Variants in DGKG observed in about 807,000 individuals in gnomAD.
DGKG encodes DAG kinase gamma.
DGKG carries 78 observed loss-of-function variants against 105.3 expected under a neutral mutation model. That is an observed-to-expected ratio of 0.74 (90% CI 0.62 to 0.89). The LOEUF (loss-of-function observed/expected upper bound fraction) is 0.89, where lower values mean the gene tolerates loss of function less well. Among genes scored for constraint, DGKG ranks in the 40% least tolerant of loss-of-function variants. DGKG has a pLI of 0.00. For missense variants in DGKG, 958 were observed against 1,020.1 expected (o/e 0.94, Z 0.83); for synonymous variants, 346 against 367.1 (o/e 0.94, Z 0.66).
chr3:186,306,949 C>T lies in DGKG; in HGVS notation c.96G>A (p.Leu32=). ...EYSSKKIKDA[L]TEFNEGGSLK... ...GGCTCCCACCCTCATTAAATTCAGT[C>T]AAGGCATCTTTTATCTTCTTGGAGG... The change falls in exon 3 of 25, where the codon TTG becomes TTA. Residue 32 remains leucine, a synonymous_variant. Coordinates refer to ENST00000265022, the MANE Select transcript of DGKG (RefSeq NM_001346.3). 2 of 1,612,970 alleles carry T rather than the reference C, an allele frequency of 1.2e-6. No individual in the cohort carries two copies. Among genetic ancestry groups the T allele is most frequent in the Non-Finnish European group, 1.7e-6 (2 of 1,179,032 alleles).
chr3:186,320,318 C>T (rs1725020071), intron 2 of DGKG, 75 bp downstream of exon 2: 3 of 1,580,112 alleles, frequency 1.9e-6, no homozygotes, highest in East Asian at 2.2e-5. Flanking sequence ...AATGATCATA[C>T]TGCTATGCTT....
chr3:186,258,073 A>T (rs1721571268), intron 16 of DGKG, 134 bp from the exon 17 acceptor site: 2 of 697,668 alleles, frequency 2.9e-6, no homozygotes, highest in Non-Finnish European at 2.5e-6. Context: ...TGAAAGGGTC[A>T]CTCAATGTTC....
chr3:186,344,552 G>A (rs1726239737), intron 1 of DGKG, among the ~76,000 whole-genome samples: 1 of 152,144 alleles, frequency 6.6e-6, no homozygotes, highest in Non-Finnish European at 1.5e-5. Flanking sequence ...AAGAACTTAT[G>A]AACACAAAGA....
At chr3:186,297,068 T>TCTCTCTCACACACACACA (rs1452573661) in intron 5 of DGKG, among the ~76,000 whole-genome samples, 1 of 130,420 alleles carries the variant, frequency 7.7e-6, no homozygotes, top group African/African-American at 2.9e-5. Flanking sequence ...TCTGTCTCTC[T>TCTCTCTCACACACACACA]CACACACACA....
intron 20 of DGKG, among the ~76,000 whole-genome samples, chr3:186,225,041 C>T (rs1009744688): frequency 6.6e-6 from 1 of 151,560 alleles, no homozygotes; most frequent in African/African-American, 2.4e-5. Flanking sequence ...TCTTTGTCCC[C>T]CTGAGTCCCT....
chr3:186,316,526 A>C (rs1724827269), intron 2 of DGKG, among the ~76,000 whole-genome samples: 1 of 152,218 alleles, frequency 6.6e-6, no homozygotes, highest in Non-Finnish European at 1.5e-5. Flanking sequence ...CAAATTTCTT[A>C]ATATCACATT....
chr3:186,150,066 T>TGTTTGGCTTTCTCTC lies in DGKG; in HGVS notation c.*23_*24insGAGAGAAAGCCAAAC. The TGTTTGGCTTTCTCTC allele has an allele frequency of 6.2e-7, 1 of 1,600,768 alleles. No homozygotes were observed. The highest frequency in any genetic ancestry group is 1.1e-5 in the South Asian group (1 of 88,738). On this transcript the variant is annotated 3_prime_UTR_variant, in exon 25 of 25. Coordinates refer to ENST00000265022, the MANE Select transcript of DGKG (RefSeq NM_001346.3). ...TATAGTTTCTTGCTTTCTCTCTTGGTTTAGCTGGTGTTTGGCACACTGTTT... is the reference window on the plus strand; with the variant it reads ...TATAGTTTCTTGCTTTCTCTCTTGGTGTTTGGCTTTCTCTCTTAGCTGGTGTTTGGCACACTGTTT...
At chr3:186,241,090 C>T (rs1720663771) in intron 20 of DGKG, among the ~76,000 whole-genome samples, 1 of 152,116 alleles carries the variant, frequency 6.6e-6, no homozygotes, top group Non-Finnish European at 1.5e-5. Context: ...GCTATCGGAT[C>T]CCACAGATCG....
At position 186,298,232 on chromosome 3, in the gene DGKG, GA is replaced by G. The variant is rs749753437; in HGVS notation, c.145-4del. The G allele has an allele frequency of 3.7e-5, 58 of 1,587,326 alleles. No individual in the cohort carries two copies. Among genetic ancestry groups the G allele is most frequent in the Middle Eastern group, 1.7e-4 (1 of 5,956 alleles). On this transcript the variant is annotated splice_region_variant and splice_polypyrimidine_tract_variant and intron_variant, in intron 3 of 24. Transcript: ENST00000265022. ...TTGAAGACATCATAGCTAATCGGCT[GA>G]GAAGGGGCAAAAGGGCAAAGTCAGT...
At chr3:186,265,878 G>T (rs1464840574) in intron 13 of DGKG, among the ~76,000 whole-genome samples, 1 of 151,838 alleles carries the variant, frequency 6.6e-6, no homozygotes, top group African/African-American at 2.4e-5. Flanking sequence ...CACCATGTTG[G>T]CCAGGATGGT....
At chr3:186,165,183 A>C (rs1342351819) in intron 22 of DGKG, among the ~76,000 whole-genome samples, 165 bp from the exon 23 acceptor site, 1 of 152,250 alleles carries the variant, frequency 6.6e-6, no homozygotes, top group Non-Finnish European at 1.5e-5. Context: ...CCAAAGATCA[A>C]TAAATGTACC....
chr3:186,354,511 G>A (rs1726812019), intron 1 of DGKG, among the ~76,000 whole-genome samples: 1 of 152,158 alleles, frequency 6.6e-6, no homozygotes, highest in Non-Finnish European at 1.5e-5. Context: ...GATTAACTGG[G>A]CAGGCAAGTC....
At chr3:186,312,897 T>G (rs535820886) in intron 2 of DGKG, among the ~76,000 whole-genome samples, 51 of 152,360 alleles carry the variant, frequency 3.3e-4, no homozygotes, top group African/African-American at 1.2e-3. Context: ...TAAGCACGGA[T>G]GTACTTGCTA....
intron 19 of DGKG, 117 bp from the exon 20 acceptor site, chr3:186,242,685 C>T (rs944236017): frequency 7.8e-5 from 63 of 803,722 alleles, no homozygotes; most frequent in Admixed American, 2.8e-4. Flanking sequence ...CTCTATCTAT[C>T]GCATGGTGGG....
In DGKG at chr3:186,263,662, T is replaced by A. The variant is rs368667144; in HGVS notation, c.1269+1585A>T. ...CTTTTGTTGTTCATTTGTATTTTTT[T>A]TTTTTTTTACTTTCTTAGATAAATG... On this transcript the variant is annotated intron_variant, in intron 14 of 24. Transcript: ENST00000265022. Among the ~76,000 whole-genome samples the A allele has an allele frequency of 3.9e-3, 587 of 151,954 alleles. 5 individuals carry two copies. The highest frequency in any genetic ancestry group is 0.012 in the African/African-American group (516 of 41,494).
At chr3:186,180,521 G>A (rs1051041026) in intron 22 of DGKG, among the ~76,000 whole-genome samples, 2 of 152,146 alleles carry the variant, frequency 1.3e-5, no homozygotes, top group Admixed American at 1.3e-4. Flanking sequence ...CTGGGCCAGA[G>A]AGGATCTCTG....
chr3:186,272,555 C>T (rs1466103614), intron 10 of DGKG, among the ~76,000 whole-genome samples: 1 of 152,206 alleles, frequency 6.6e-6, no homozygotes, highest in Non-Finnish European at 1.5e-5. Flanking sequence ...GCGGCTGCAC[C>T]TCCACCTGCT....
At chr3:186,244,192 T>G (rs2108554477) in intron 19 of DGKG, among the ~76,000 whole-genome samples, 1 of 152,082 alleles carries the variant, frequency 6.6e-6, no homozygotes, top group Admixed American at 6.6e-5. Flanking sequence ...ACCTGGCCTC[T>G]GTGTGTGTTT....
chr3:186,213,498 C>A (rs1048066517), intron 20 of DGKG, among the ~76,000 whole-genome samples: 6 of 152,344 alleles, frequency 3.9e-5, no homozygotes, highest in African/African-American at 1.4e-4. Flanking sequence ...CATATCTAAT[C>A]ACTTGGGGAT....
Sources: gnomAD v4.1 joint callset for allele counts (sites outside exome capture counted in the v4.1 genomes callset) on GRCh38, gnomAD v4.1.1 for gene constraint, MANE v1.5 for transcripts, NCBI Gene and HGNC (gene_info 2026-07-23, HGNC 2026-07-21) for gene names.